Variants in TTC32 observed in about 807,000 individuals in gnomAD.
TTC32 encodes tetratricopeptide repeat domain 32.
A neutral mutation model predicts 15.3 loss-of-function variants in TTC32; 16 were observed. The ratio of observed to expected loss-of-function variants is 1.05; its 90% CI spans 0.71 to 1.59. TTC32 has a LOEUF of 1.59. Among genes scored for constraint, TTC32 ranks in the 40% most tolerant of loss-of-function variants. The pLI is 0.00. For synonymous variants in TTC32, 89 were observed against 67.8 expected, an observed-to-expected ratio of 1.31 and a Z score of -1.53; for missense variants, 188 against 181.9, an observed-to-expected ratio of 1.03 and a Z score of -0.19.
intron 1 of TTC32, 32 bp from the exon 2 acceptor site, chr2:19,898,067 G>A (rs565002163): frequency 4.1e-6 from 6 of 1,456,626 alleles, no homozygotes; most frequent in South Asian, 1.5e-5. Flanking sequence ...TAAAAACACC[G>A]TGTTACCAAA....
Position 19,901,016 on chromosome 2 carries a change from A to C in TTC32, c.149+690T>G, listed in dbSNP as rs1388876008. 8.6e-6 allele frequency: 4 copies of C among 463,616 alleles called. No homozygotes were observed. In the Admixed American group the frequency reaches 9.9e-5, roughly 11 times the overall value. 28.7% of individuals were successfully genotyped at this position (463,616 alleles called of 1,614,324 possible). On this transcript the variant is annotated intron_variant, in intron 1 of 2. Coordinates refer to ENST00000333610, the MANE Select transcript of TTC32 (RefSeq NM_001008237.3). ...TTGAACTAACTGCGAAAAGGGAACC[A>C]AAGAACAAAACACCTTATTAGTCGA...
Position 19,901,850 on chromosome 2 carries a change from T to C in TTC32, c.5A>G (p.Glu2Gly). 1.2e-6 allele frequency: 2 copies of C among 1,614,048 alleles called. No individual in the cohort carries two copies. Among genetic ancestry groups the C allele is most frequent in the Non-Finnish European group, 8.5e-7 (1 of 1,179,960 alleles). ...TGCGTGGCTTTCTTGCCGCTGTCCT[T>C]CCATAGCAGCCAAGGCCTAGTTTTC... Reference protein sequence around the residue: MEGQRQESHATL... With the variant: MGGQRQESHATL... The change falls in exon 1 of 3, where the codon GAA (glutamate) becomes GGA (glycine). Residue 2 changes from glutamate (E) to glycine (G), a missense_variant. Coordinates refer to ENST00000333610, the MANE Select transcript of TTC32 (RefSeq NM_001008237.3).
intron 2 of TTC32, 122 bp from the exon 3 acceptor site, chr2:19,897,248 A>G (rs1373685873): frequency 1.1e-6 from 1 of 951,136 alleles, no homozygotes; most frequent in Non-Finnish European, 1.5e-6. Context: ...AGTCACTTCT[A>G]GTAAAGGAAT....
Position 19,898,026 on chromosome 2 carries a change from G to A in TTC32, c.159C>T (p.Ser53=), listed in dbSNP as rs1293761254. 1.3e-6 allele frequency: 2 copies of A among 1,525,326 alleles called. No homozygotes were observed. Among genetic ancestry groups the A allele is most frequent in the Non-Finnish European group, 1.8e-6 (2 of 1,127,182 alleles). 94.5% of individuals were successfully genotyped at this position (1,525,326 alleles called of 1,614,324 possible). Residue 53 remains serine (S), a synonymous_variant, in exon 2 of 3, where the codon AGC becomes AGT. Coordinates refer to ENST00000333610, the MANE Select transcript of TTC32 (RefSeq NM_001008237.3). ...SSDESPGSKC[S]PEDLATAYNN... is the part of the protein sequence containing the mutation. The stretch of plus-strand genomic sequence containing the variant: ...TATATGCAGTAGCCAAATCCTCAGG[G>A]CTGCATTTGCTTTAAACAAAAAGTT...
Position 19,897,972 on chromosome 2 carries a change from C to T in TTC32, c.213G>A (p.Arg71=), listed in dbSNP as rs369715722. 1.9e-5 allele frequency: 30 copies of T among 1,610,306 alleles called. No individual in the cohort carries two copies. Among genetic ancestry groups the T allele is most frequent in the Non-Finnish European group, 2.5e-5 (29 of 1,177,282 alleles). The change falls in exon 2 of 3, where the codon AGG becomes AGA. Residue 71 remains arginine (R), a synonymous_variant. Coordinates refer to ENST00000333610, the MANE Select transcript of TTC32 (RefSeq NM_001008237.3). ...YNNRGQIKYF[R]VDFYEAMDDY... ...CATCCATGGCTTCATAAAAATCAAC[C>T]CTGAAGTACTTGATTTGCCCCCTGT... is the stretch of plus-strand genomic sequence containing the variant.
chr2:19,898,725 T>C (rs577081803), intron 1 of TTC32, among the ~76,000 whole-genome samples: 3 of 152,188 alleles, frequency 2.0e-5, no homozygotes, highest in African/African-American at 4.8e-5. Context: ...CTGAGGGAAC[T>C]AGAGGTTGCC....
rs1000994132 is a variant in TTC32, at chr2:19,901,927, C to T, written c.-73G>A. 6.4e-7 allele frequency: 1 copy of T among 1,567,462 alleles called. No individual in the cohort carries two copies. Among genetic ancestry groups the T allele is most frequent in the African/African-American group, 1.4e-5 (1 of 74,002 alleles). ...GCGGTTAGAGGTGGCACCACAAAGCCACTTCCACACCCTGGAATCTACCTT... is the reference window on the plus strand; with the variant it reads ...GCGGTTAGAGGTGGCACCACAAAGCTACTTCCACACCCTGGAATCTACCTT... On this transcript the variant is annotated 5_prime_UTR_variant, in exon 1 of 3. Transcript: ENST00000333610.
intron 1 of TTC32, chr2:19,901,199 A>G: frequency 2.8e-6 from 1 of 363,332 alleles, no homozygotes; most frequent in Non-Finnish European, 5.5e-6. Context: ...TCTCTTCCAC[A>G]TATTTAAACG....
intron 1 of TTC32, 114 bp from the exon 2 acceptor site, chr2:19,898,149 C>T (rs768104451): frequency 2.1e-6 from 2 of 941,852 alleles, no homozygotes; most frequent in Non-Finnish European, 3.0e-6. Flanking sequence ...GCAGCATCAA[C>T]ACTGAAAATC....
Position 19,897,089 on chromosome 2 carries a change from G to A in TTC32, c.354C>T (p.Val118=). 1 of 1,606,010 alleles carries A rather than the reference G, an allele frequency of 6.2e-7. No individual in the cohort carries two copies. Among genetic ancestry groups the A allele is most frequent in the South Asian group, 1.1e-5 (1 of 89,540 alleles). The change falls in exon 3 of 3, where the codon GTC becomes GTT. Residue 118 remains valine, a synonymous_variant. Coordinates refer to ENST00000333610, the MANE Select transcript of TTC32 (RefSeq NM_001008237.3). ...FDDALEDFKK[V]LDLNPGFQDA... ...CTTGAAATCCAGGATTTAAGTCTAA[G>A]ACCTTCTTGAAATCTTCCAAAGCAT...
At position 19,901,965 on chromosome 2, in the gene TTC32, T is replaced by G; in HGVS notation, c.-111A>C. The G allele has an allele frequency of 7.3e-7, 1 of 1,376,178 alleles. No homozygotes were observed. Among genetic ancestry groups the G allele is most frequent in the South Asian group, 1.3e-5 (1 of 74,232 alleles). 85.2% of individuals were successfully genotyped at this position (1,376,178 alleles called of 1,614,324 possible). ...TGGAATCTACCTTGACAGCCAACCT[T>G]GGCGCTAGGTTTGTGCCTTATGGGG... is the stretch of plus-strand genomic sequence containing the variant. On this transcript the variant is annotated 5_prime_UTR_variant, in exon 1 of 3. Coordinates refer to ENST00000333610, the MANE Select transcript of TTC32 (RefSeq NM_001008237.3).
chr2:19,901,677 G>C, intron 1 of TTC32, 29 bp downstream of exon 1: 1 of 1,598,646 alleles, frequency 6.3e-7, no homozygotes, highest in Non-Finnish European at 8.5e-7. Flanking sequence ...ACCCGGGGTC[G>C]CCGCGGCCCC....
In TTC32 at chr2:19,897,103, C is replaced by G. The variant is rs1350582635; in HGVS notation, c.340G>C (p.Asp114His). ...TTTAAGTCTAAGACCTTCTTGAAAT[C>G]TTCCAAAGCATCATCAAAATATCCT... Reference protein sequence around the residue: ...RLGYFDDALEDFKKVLDLNPG... With the variant: ...RLGYFDDALEHFKKVLDLNPG... The change falls in exon 3 of 3, where the codon GAT becomes CAT. Residue 114 changes from aspartate (D) to histidine (H), a missense_variant. Physicochemically the swap from Asp to His is moderately conservative, Grantham distance 81. Coordinates refer to ENST00000333610, the MANE Select transcript of TTC32 (RefSeq NM_001008237.3). 1 of 1,601,074 alleles carries G rather than the reference C, an allele frequency of 6.2e-7. No homozygotes were observed. Among genetic ancestry groups the G allele is most frequent in the Non-Finnish European group, 8.5e-7 (1 of 1,175,632 alleles).
At chr2:19,897,277 T>C (rs1669525102) in intron 2 of TTC32, 151 bp from the exon 3 acceptor site, 2 of 731,274 alleles carry the variant, frequency 2.7e-6, no homozygotes, top group South Asian at 2.7e-5. Context: ...CTTAATAATA[T>C]AGAGATGTGT....
At chr2:19,901,534 TCCTAGGCCTCG>T (rs1669603855) in intron 1 of TTC32, 161 bp downstream of exon 1, 2 of 852,658 alleles carry the variant, frequency 2.3e-6, no homozygotes, top group Non-Finnish European at 3.4e-6. Context: ...GCCGCCCTCG[TCCTAGGCCTCG>T]CCTAGGCCTT....
intron 1 of TTC32, chr2:19,901,415 A>G: frequency 2.5e-6 from 1 of 393,136 alleles, no homozygotes; most frequent in Non-Finnish European, 4.7e-6. Flanking sequence ...GCGGGGTGAG[A>G]GGCGGCGGCC....
At chr2:19,899,871 C>T (rs1669573408) in intron 1 of TTC32, among the ~76,000 whole-genome samples, 1 of 151,654 alleles carries the variant, frequency 6.6e-6, no homozygotes, top group South Asian at 2.1e-4. Flanking sequence ...TTTAGTGACC[C>T]AATACTTAGA....
intron 1 of TTC32, among the ~76,000 whole-genome samples, chr2:19,898,943 G>T (rs1475601492): frequency 2.0e-5 from 3 of 152,216 alleles, no homozygotes; most frequent in African/African-American, 7.2e-5. Context: ...TCTCAAATTA[G>T]AACCAAACAG....
intron 1 of TTC32, chr2:19,900,959 G>A: frequency 2.6e-6 from 1 of 378,846 alleles, no homozygotes; most frequent in South Asian, 1.9e-5. Context: ...AGGTGGAGAA[G>A]AGACTTAAAA....
Sources: allele counts gnomAD v4.1 joint callset (sites outside exome capture counted in the v4.1 genomes callset), GRCh38; gene constraint gnomAD v4.1.1; transcripts MANE v1.5; gene names NCBI Gene and HGNC (gene_info 2026-07-23, HGNC 2026-07-21).